The following PCCA variants were observed in gnomAD, a reference collection of about 807,000 sequenced individuals.
PCCA encodes the protein propionyl-CoA carboxylase alpha chain, mitochondrial.
In PCCA, 74 loss-of-function variants were observed where a neutral mutation model predicts 101.3. That is an observed-to-expected ratio of 0.73 (90% CI 0.61 to 0.89). The LOEUF is 0.89. Ranked by LOEUF, PCCA falls within the 40% of genes least tolerant of loss-of-function variation. The pLI is 0.00. For synonymous variants in PCCA, 294 were observed against 313.6 expected, an observed-to-expected ratio of 0.94 and a Z score of 0.66; for missense variants, 891 against 907.0, an observed-to-expected ratio of 0.98 and a Z score of 0.23.
At chr13:100,324,517 A>G (rs1048929333) in intron 16 of PCCA, among the ~76,000 whole-genome samples, 1 of 152,230 alleles carries the variant, frequency 6.6e-6, no homozygotes, top group Non-Finnish European at 1.5e-5. Flanking sequence ...ATGAATACAT[A>G]AAATATATAG....
chr13:100,271,392 C>A (rs551815905), intron 11 of PCCA, among the ~76,000 whole-genome samples: 1 of 152,044 alleles, frequency 6.6e-6, no homozygotes, highest in South Asian at 2.1e-4. Context: ...TCTTCCCCCT[C>A]CCCCACCCCA....
At chr13:100,284,085 G>A (rs1595111158) in intron 12 of PCCA, among the ~76,000 whole-genome samples, 1 of 152,198 alleles carries the variant, frequency 6.6e-6, no homozygotes, top group Non-Finnish European at 1.5e-5. Flanking sequence ...ACACTGGCAC[G>A]GCCTTCTCAG....
chr13:100,487,700 A>G (rs955893764), intron 21 of PCCA, among the ~76,000 whole-genome samples: 5 of 152,064 alleles, frequency 3.3e-5, no homozygotes, highest in Non-Finnish European at 5.9e-5. Flanking sequence ...GTGGGATACC[A>G]TAGGAAATGC....
At chr13:100,295,115 A>G in intron 12 of PCCA, among the ~76,000 whole-genome samples, 1 of 152,266 alleles carries the variant, frequency 6.6e-6, no homozygotes, top group African/African-American at 2.4e-5. Context: ...TTAGATCTTT[A>G]TTTTGAAATC....
chr13:100,524,978 A>G (rs1007215501), intron 22 of PCCA, among the ~76,000 whole-genome samples: 2 of 74,962 alleles, frequency 2.7e-5, no homozygotes, highest in Non-Finnish European at 5.3e-5. Context: ...TTCTGTCTCT[A>G]AGATGGATAG....
chr13:100,446,195 G>A (rs556551122), intron 20 of PCCA, among the ~76,000 whole-genome samples: 21 of 152,098 alleles, frequency 1.4e-4, no homozygotes, highest in Admixed American at 1.2e-3. Context: ...CTGCCACCAC[G>A]CCCGGCTACT....
chr13:100,411,735 G>C (rs1323660795), intron 19 of PCCA, among the ~76,000 whole-genome samples: 1 of 152,146 alleles, frequency 6.6e-6, no homozygotes, highest in African/African-American at 2.4e-5. Context: ...TTCTTGCTGT[G>C]TTCATTCATG....
chr13:100,348,056 C>T (rs965951963), intron 18 of PCCA, among the ~76,000 whole-genome samples: 2 of 152,186 alleles, frequency 1.3e-5, no homozygotes, highest in Non-Finnish European at 2.9e-5. Context: ...TGAACCTTCA[C>T]ATTTTGGCTT....
rs1452166983 is a variant in PCCA at position 100,505,831 on chromosome 13, A to AGTG, written c.1900-9593_1900-9591dup. ...GCAGTGAGCCATGCCTGGGTGCCAG[A>AGTG]GTGGTACCCTGTTTCTCTGCCCACC... On this transcript the variant is annotated intron_variant, in intron 21 of 23. Coordinates refer to ENST00000376285, the MANE Select transcript of PCCA (RefSeq NM_000282.4). Among the ~76,000 whole-genome samples, 6 of 115,308 alleles carry AGTG rather than the reference A, an allele frequency of 5.2e-5. No homozygotes were observed. The East Asian group carries it at 1.7e-3, about 33-fold the overall frequency. 75.6% of individuals were successfully genotyped at this position (115,308 alleles called of 152,430 possible).
chr13:100,188,334 A>AAACAAAACAAAACAAAAAC (rs1555372004), intron 6 of PCCA, among the ~76,000 whole-genome samples: 16 of 124,104 alleles, frequency 1.3e-4, no homozygotes, highest in South Asian at 2.5e-4. Context: ...CAAAAACACA[A>AAACAAAACAAAACAAAAAC]AGAAAGAAAG....
At chr13:100,457,743 CA>C (rs1433105914) in intron 21 of PCCA, among the ~76,000 whole-genome samples, 1 of 152,176 alleles carries the variant, frequency 6.6e-6, no homozygotes, top group East Asian at 1.9e-4. Context: ...GTCTTGCTCA[CA>C]AGAAGTGGAA....
intron 20 of PCCA, among the ~76,000 whole-genome samples, chr13:100,435,997 C>G (rs1004558262): frequency 1.3e-5 from 2 of 151,316 alleles, no homozygotes; most frequent in Non-Finnish European, 2.9e-5. Flanking sequence ...GAGCTGAGAT[C>G]GAGCCATTGC....
At chr13:100,257,404 C>T (rs2062146461) in intron 8 of PCCA, among the ~76,000 whole-genome samples, 191 bp from the exon 9 acceptor site, 1 of 151,882 alleles carries the variant, frequency 6.6e-6, no homozygotes, top group South Asian at 2.1e-4. Flanking sequence ...AAAATGGTCA[C>T]ACTCTCATTT....
chr13:100,459,316 G>A (rs977156946), intron 21 of PCCA, among the ~76,000 whole-genome samples: 7 of 152,176 alleles, frequency 4.6e-5, no homozygotes, highest in African/African-American at 1.7e-4. Context: ...ATTCAACCCA[G>A]TATGCTATAT....
chr13:100,454,990 GT>G (rs1291865771), intron 21 of PCCA, among the ~76,000 whole-genome samples: 14 of 152,110 alleles, frequency 9.2e-5, no homozygotes, highest in African/African-American at 3.4e-4. Context: ...GCATACCTAA[GT>G]GTAAGACTTG....
At chr13:100,240,190 T>A (rs1269015360) in intron 8 of PCCA, among the ~76,000 whole-genome samples, 1 of 152,166 alleles carries the variant, frequency 6.6e-6, no homozygotes, top group Non-Finnish European at 1.5e-5. Flanking sequence ...CTTTAAATTC[T>A]GTAATGACTC....
At chr13:100,519,078 CAT>C (rs1218450384) in intron 22 of PCCA, among the ~76,000 whole-genome samples, 1 of 152,170 alleles carries the variant, frequency 6.6e-6, no homozygotes, top group Non-Finnish European at 1.5e-5. Flanking sequence ...AAAACCACCC[CAT>C]AAGATAGTCA....
intron 6 of PCCA, among the ~76,000 whole-genome samples, chr13:100,164,536 C>T (rs1177380362): frequency 2.0e-5 from 3 of 152,124 alleles, no homozygotes; most frequent in Non-Finnish European, 4.4e-5. Context: ...CCCCTGACTC[C>T]TTGACTCTTA....
intron 4 of PCCA, among the ~76,000 whole-genome samples, chr13:100,131,754 C>T (rs753354338): frequency 2.6e-5 from 4 of 152,092 alleles, no homozygotes; most frequent in African/African-American, 7.2e-5. Flanking sequence ...TAACAAATAC[C>T]GTTGAGCACT....
Sources: gnomAD v4.1 joint callset for allele counts (sites outside exome capture counted in the v4.1 genomes callset) on GRCh38, gnomAD v4.1.1 for gene constraint, MANE v1.5 for transcripts, NCBI Gene and HGNC (gene_info 2026-07-23, HGNC 2026-07-21) for gene names.